Variants in BRINP2 observed in about 807,000 individuals in gnomAD.
The protein encoded by BRINP2 is BMP/retinoic acid inducible neural specific 2.
In BRINP2, 21 loss-of-function variants were observed where a neutral mutation model predicts 69.2. The ratio of observed to expected loss-of-function variants is 0.30; its 90% CI spans 0.22 to 0.44. The LOEUF (loss-of-function observed/expected upper bound fraction) is 0.44, where lower values mean the gene tolerates loss of function less well. Ranked by LOEUF, BRINP2 falls within the 20% of genes least tolerant of loss-of-function variation. The pLI, the probability that BRINP2 is intolerant of heterozygous loss-of-function variation, is 1.00. For synonymous variants in BRINP2, 380 were observed against 394.1 expected, an observed-to-expected ratio of 0.96 and a Z score of 0.42; for missense variants, 877 against 986.0, an observed-to-expected ratio of 0.89 and a Z score of 1.48.
chr1:177,205,699 A>G (rs1649052619), intron 1 of BRINP2, among the ~76,000 whole-genome samples: 1 of 152,180 alleles, frequency 6.6e-6, no homozygotes, highest in Non-Finnish European at 1.5e-5. Context: ...CAGGCTGTCT[A>G]GCTGGAAAAG....
intron 1 of BRINP2, among the ~76,000 whole-genome samples, chr1:177,200,234 G>A (rs1446973272): frequency 7.5e-6 from 1 of 133,218 alleles, no homozygotes; most frequent in African/African-American, 2.8e-5. Flanking sequence ...AGAGGTTGCA[G>A]TGAGCTGAGA....
At chr1:177,260,435 C>T (rs574912666) in intron 4 of BRINP2, among the ~76,000 whole-genome samples, 4 of 152,296 alleles carry the variant, frequency 2.6e-5, no homozygotes, top group Admixed American at 2.6e-4. Context: ...GTTGATAAAG[C>T]AGTGGCAGGG....
intron 5 of BRINP2, 116 bp downstream of exon 5, chr1:177,273,709 G>A: frequency 1.7e-6 from 1 of 592,018 alleles, no homozygotes; most frequent in Non-Finnish European, 2.9e-6. Flanking sequence ...CCTTTCTTAA[G>A]ACAAGAACTA....
At position 177,280,477 on chromosome 1, in the gene BRINP2, G is replaced by T; in HGVS notation, c.1301G>T (p.Gly434Val). 1 of 1,614,162 alleles carries T rather than the reference G, an allele frequency of 6.2e-7. No homozygotes were observed. The highest frequency in any genetic ancestry group is 8.5e-7 in the Non-Finnish European group (1 of 1,180,018). The change falls in exon 8 of 8, where the codon GGC becomes GTC. Residue 434 changes from glycine (G) to valine (V), a missense_variant. Gly to Val is a moderately radical substitution (Grantham distance 109). Coordinates refer to ENST00000361539, the MANE Select transcript of BRINP2 (RefSeq NM_021165.4). The part of the protein sequence containing the change: ...LLYCGESTFP[G>V]TFLEQSHSCT... ...TACTGTGGGGAAAGCACCTTTCCTG[G>T]CACTTTCCTGGAACAGAGCCACAGC...
At chr1:177,241,700 T>A (rs192046333) in intron 2 of BRINP2, among the ~76,000 whole-genome samples, 1 of 152,246 alleles carries the variant, frequency 6.6e-6, no homozygotes, top group Non-Finnish European at 1.5e-5. Context: ...AATTTTGTCA[T>A]GGATCAATAT....
intron 1 of BRINP2, among the ~76,000 whole-genome samples, chr1:177,188,792 C>T (rs1272374858): frequency 3.3e-5 from 5 of 150,164 alleles, no homozygotes; most frequent in Admixed American, 6.7e-5. Flanking sequence ...CAGTATTATG[C>T]GTAGGTTAAG....
chr1:177,246,464 C>T (rs2142753), intron 2 of BRINP2, among the ~76,000 whole-genome samples: 2,841 of 152,282 alleles, frequency 0.019, 86 homozygotes, highest in African/African-American at 0.065. Flanking sequence ...CCCCAAGGTC[C>T]CTGTATAGAT....
At chr1:177,217,054 G>A (rs531914303) in intron 1 of BRINP2, among the ~76,000 whole-genome samples, 3 of 151,916 alleles carry the variant, frequency 2.0e-5, no homozygotes, top group Admixed American at 6.5e-5. Context: ...TTCTTGATTA[G>A]AGACGTTTTC....
At chr1:177,259,071 G>A (rs999075949) in intron 4 of BRINP2, among the ~76,000 whole-genome samples, 5 of 152,160 alleles carry the variant, frequency 3.3e-5, no homozygotes, top group African/African-American at 1.2e-4. Context: ...AACCTAGGCC[G>A]CTTGCAACAA....
In BRINP2 at chr1:177,188,389, A is replaced by G. The variant is rs74127707; in HGVS notation, c.-77+16657A>G. On this transcript the variant is annotated intron_variant, in intron 1 of 7. Transcript: ENST00000361539. ...TGGAAGACAAGCAATAAACAACAAC[A>G]AGAAAAAAAACATAATTAATGAGTT... Among the ~76,000 whole-genome samples, 444 of 152,324 alleles carry G rather than the reference A, an allele frequency of 2.9e-3. 5 individuals carry two copies. Among genetic ancestry groups the G allele is most frequent in the African/African-American group, 0.01 (430 of 41,570 alleles).
chr1:177,258,294 A>G (rs1650835519), intron 4 of BRINP2, among the ~76,000 whole-genome samples: 1 of 152,218 alleles, frequency 6.6e-6, no homozygotes, highest in African/African-American at 2.4e-5. Context: ...AAATACTTCA[A>G]AGTTGTCTTA....
At chr1:177,266,935 G>A (rs80340228) in intron 4 of BRINP2, among the ~76,000 whole-genome samples, 3,481 of 152,090 alleles carry the variant, frequency 0.023, 139 homozygotes, top group African/African-American at 0.08. Context: ...TGACTTCCAC[G>A]TGAGACTATG....
At chr1:177,242,779 G>A (rs1048832433) in intron 2 of BRINP2, among the ~76,000 whole-genome samples, 9 of 152,074 alleles carry the variant, frequency 5.9e-5, no homozygotes, top group African/African-American at 2.2e-4. Context: ...CACACATAAG[G>A]GCATAATAAG....
intron 2 of BRINP2, among the ~76,000 whole-genome samples, chr1:177,238,252 G>T (rs1650089250): frequency 6.6e-6 from 1 of 152,254 alleles, no homozygotes; most frequent in Admixed American, 6.5e-5. Context: ...TCCCATGCCA[G>T]TTACCATCTT....
intron 1 of BRINP2, among the ~76,000 whole-genome samples, chr1:177,175,906 T>C (rs6681004): frequency 0.28 from 42,612 of 152,116 alleles, 10,163 homozygotes; most frequent in African/African-American, 0.66. Flanking sequence ...GGTAGAGATC[T>C]GGGCCCAAGG....
At chr1:177,241,133 G>A (rs551461030) in intron 2 of BRINP2, among the ~76,000 whole-genome samples, 25 of 152,172 alleles carry the variant, frequency 1.6e-4, no homozygotes, top group African/African-American at 5.3e-4. Context: ...CACCATGCCC[G>A]GCTAATTTTT....
chr1:177,226,327 A>C (rs1333262954), intron 1 of BRINP2, among the ~76,000 whole-genome samples: 2 of 152,136 alleles, frequency 1.3e-5, no homozygotes, highest in Non-Finnish European at 2.9e-5. Flanking sequence ...ATGGTCTCTG[A>C]CCTTAAGGGG....
chr1:177,259,037 A>G (rs141645830), intron 4 of BRINP2, among the ~76,000 whole-genome samples: 9 of 152,376 alleles, frequency 5.9e-5, no homozygotes, highest in African/African-American at 2.2e-4. Context: ...TGAGGAAGGC[A>G]TGTCAGAAGC....
intron 2 of BRINP2, among the ~76,000 whole-genome samples, chr1:177,248,946 G>T (rs1650488818): frequency 6.6e-6 from 1 of 152,128 alleles, no homozygotes; most frequent in African/African-American, 2.4e-5. Context: ...CTGAGATCTG[G>T]CATGGCTATG....
Sources: gnomAD v4.1 joint callset for allele counts (sites outside exome capture counted in the v4.1 genomes callset) on GRCh38, gnomAD v4.1.1 for gene constraint, MANE v1.5 for transcripts, NCBI Gene and HGNC (gene_info 2026-07-23, HGNC 2026-07-21) for gene names.